The following PLA2G4E variants were observed in gnomAD, a reference collection of about 807,000 sequenced individuals.
The protein encoded by PLA2G4E is cytosolic phospholipase A2 epsilon.
Under a neutral mutation model 109.1 loss-of-function variants are expected in PLA2G4E, and 84 were observed. The ratio of observed to expected loss-of-function variants is 0.77; its 90% CI spans 0.65 to 0.92. The LOEUF is 0.92. PLA2G4E is among the 40% of genes least tolerant of loss of function. The probability of loss-of-function intolerance (pLI) is 0.00; values close to 1 mark genes in which losing one functional copy is unlikely to be tolerated. For synonymous variants in PLA2G4E, 469 were observed against 436.1 expected (o/e 1.08, Z -0.94); for missense variants, 1,057 against 1,076.6 (o/e 0.98, Z 0.25).
At chr15:42,007,698 G>T in intron 3 of PLA2G4E, 31 bp downstream of exon 3, 1 of 1,602,504 alleles carries the variant, frequency 6.2e-7, no homozygotes, top group South Asian at 1.1e-5. Flanking sequence ...AATGCAGACA[G>T]GGAAGACAGG....
chr15:42,017,428 T>C (rs925915168), intron 1 of PLA2G4E, among the ~76,000 whole-genome samples: 4 of 152,204 alleles, frequency 2.6e-5, no homozygotes, highest in Admixed American at 6.5e-5. Context: ...GTGCCAGCCA[T>C]GCGCAGGTGC....
At chr15:41,994,564 A>G (rs989299794) in intron 12 of PLA2G4E, among the ~76,000 whole-genome samples, 6 of 152,030 alleles carry the variant, frequency 3.9e-5, no homozygotes, top group South Asian at 2.1e-4. Context: ...AGTCCTCCCT[A>G]TGTGGCCCAG....
At chr15:41,997,771 A>G (rs1333103364) in intron 10 of PLA2G4E, 1 of 152,334 alleles carries the variant, frequency 6.6e-6, no homozygotes. Flanking sequence ...CTGCTCCTAG[A>G]ATAACAATTA....
At chr15:42,045,437 G>C (rs1889396871) in intron 1 of PLA2G4E, among the ~76,000 whole-genome samples, 1 of 152,176 alleles carries the variant, frequency 6.6e-6, no homozygotes, top group Non-Finnish European at 1.5e-5. Flanking sequence ...TAGGTTCCCA[G>C]GCCAGCAGCC....
exon 20 of PLA2G4E, chr15:41,983,690 C>T: frequency 7.0e-7 from 1 of 1,430,812 alleles, no homozygotes; most frequent in Non-Finnish European, 9.6e-7. Context: ...ACCTGGTCAG[C>T]CCTGAGGGGT....
chr15:42,049,294 G>A (rs577029675), intron 1 of PLA2G4E, among the ~76,000 whole-genome samples: 3 of 152,300 alleles, frequency 2.0e-5, no homozygotes, highest in South Asian at 4.1e-4. Flanking sequence ...TTAAGGGATG[G>A]AGGCTGAACT....
exon 18 of PLA2G4E, chr15:41,985,863 G>A (rs1019027528): frequency 5.0e-6 from 8 of 1,611,222 alleles, no homozygotes; most frequent in African/African-American, 1.3e-5. Flanking sequence ...CAGCACAGTA[G>A]TTGAGGTGGA....
chr15:42,002,285 A>AC lies in PLA2G4E; in HGVS notation c.609+368_609+369insG, dbSNP rs1469273740. Among the ~76,000 whole-genome samples the AC allele has an allele frequency of 7.1e-4, 107 of 150,004 alleles. 2 individuals carry two copies. Among genetic ancestry groups the AC allele is most frequent in the African/African-American group, 2.6e-3 (103 of 39,838 alleles). Reference sequence around the variant, plus strand: ...GTCTCAAAAAAAAAAAAAAAAAAAAAAAGGTAAACTGTGCTTGTAGAATTA... The same window carrying AC: ...GTCTCAAAAAAAAAAAAAAAAAAAAACAAGGTAAACTGTGCTTGTAGAATTA... On this transcript the variant is annotated intron_variant, in intron 6 of 19. Coordinates refer to ENST00000399518, the Ensembl canonical transcript of PLA2G4E.
At chr15:42,001,276 C>T (rs761057861) in intron 6 of PLA2G4E, 56 bp from the exon 7 acceptor site, 6 of 1,499,884 alleles carry the variant, frequency 4.0e-6, no homozygotes, top group Non-Finnish European at 5.6e-6. Flanking sequence ...CCTCCTTGCT[C>T]TTCCAGGCTG....
intron 1 of PLA2G4E, among the ~76,000 whole-genome samples, chr15:42,034,855 T>G (rs1889180837): frequency 2.0e-5 from 3 of 152,250 alleles, no homozygotes. Flanking sequence ...CCCCTTGGAC[T>G]TCCCAGTTAC....
exon 17 of PLA2G4E, chr15:41,987,352 T>C: frequency 1.2e-6 from 2 of 1,613,730 alleles, no homozygotes; most frequent in South Asian, 2.2e-5. Context: ...CATTTGGGGA[T>C]TTCAGGCAGG....
chr15:42,021,836 T>C (rs1211390669), intron 1 of PLA2G4E, among the ~76,000 whole-genome samples: 1 of 152,224 alleles, frequency 6.6e-6, no homozygotes, highest in African/African-American at 2.4e-5. Context: ...ACAACCGGCT[T>C]TTCTGGACCA....
chr15:42,007,866 C>T lies in PLA2G4E; in HGVS notation c.257-1G>A. ...CTCACAAAACAGTCTGTCTGGCTCA[C>T]TGTCCAAGAAAGATAAGTGGAACCA... is the stretch of plus-strand genomic sequence containing the variant. On this transcript the variant is annotated splice_acceptor_variant, in intron 2 of 19. Transcript: ENST00000399518. LOFTEE classifies it high-confidence loss of function. 2 of 1,599,938 alleles carry T rather than the reference C, an allele frequency of 1.3e-6. No individual in the cohort carries two copies. The highest frequency in any genetic ancestry group is 1.7e-6 in the Non-Finnish European group (2 of 1,172,326).
Position 42,004,856 on chromosome 15 carries a change from C to T in PLA2G4E, c.566+82G>A, listed in dbSNP as rs565786885. 2.5e-4 allele frequency: 383 copies of T among 1,514,678 alleles called. 1 individual carries two copies. Among genetic ancestry groups the T allele is most frequent in the Middle Eastern group, 3.4e-4 (2 of 5,870 alleles). 93.8% of individuals were successfully genotyped at this position (1,514,678 alleles called of 1,614,324 possible). ...GAAGAGGGTGAGGCAGCAAAAAGGCCGACCTGCCTCTGAAATGCTCGTTCC... is the reference window on the plus strand; with the variant it reads ...GAAGAGGGTGAGGCAGCAAAAAGGCTGACCTGCCTCTGAAATGCTCGTTCC... On this transcript the variant is annotated intron_variant, in intron 5 of 19. Coordinates refer to ENST00000399518, the Ensembl canonical transcript of PLA2G4E.
chr15:42,034,391 G>A (rs528784468), intron 1 of PLA2G4E, among the ~76,000 whole-genome samples: 1 of 152,308 alleles, frequency 6.6e-6, no homozygotes, highest in East Asian at 1.9e-4. Flanking sequence ...GAGTACATAA[G>A]CCAGTCCTGA....
chr15:41,989,383 CCCT>C (rs775908954), intron 15 of PLA2G4E, 29 bp downstream of exon 15: 23 of 1,613,076 alleles, frequency 1.4e-5, no homozygotes, highest in Admixed American at 6.7e-5. Context: ...GGCAGCAGCC[CCCT>C]GTCATTCCGC....
Position 42,038,097 on chromosome 15 carries a change from T to C in PLA2G4E, c.183+12424A>G, listed in dbSNP as rs79877311. 2.2e-3 allele frequency among the ~76,000 whole-genome samples: 342 copies of C among 152,352 alleles called. 2 individuals are homozygous for C. Among genetic ancestry groups the C allele is most frequent in the African/African-American group, 8.1e-3 (336 of 41,586 alleles). On this transcript the variant is annotated intron_variant, in intron 1 of 19. Transcript: ENST00000399518. ...TAAGTTTTGCTGTTACTGTATTTCA[T>C]CAGTTCCAAGGTACACATTTTTTCC...
exon 17 of PLA2G4E, chr15:41,987,190 G>C (rs1249550185): frequency 6.2e-7 from 1 of 1,613,938 alleles, no homozygotes; most frequent in Middle Eastern, 1.6e-4. Flanking sequence ...CTAGAGAACT[G>C]GCCATTCTGG....
At chr15:42,000,184 T>G (rs1484188533) in exon 8 of PLA2G4E, 1 of 1,594,826 alleles carries the variant, frequency 6.3e-7, no homozygotes, top group South Asian at 1.1e-5. Flanking sequence ...CAGGCAGCGG[T>G]TTGGAAGCAG....
Sources: gnomAD v4.1 joint callset for allele counts (sites outside exome capture counted in the v4.1 genomes callset) on GRCh38, gnomAD v4.1.1 for gene constraint, MANE v1.5 for transcripts, NCBI Gene and HGNC (gene_info 2026-07-23, HGNC 2026-07-21) for gene names.